CTNNA2: variants seen among roughly 807,000 people sequenced by gnomAD.
CTNNA2 encodes catenin alpha-2.
In CTNNA2, 42 loss-of-function variants were observed where a neutral mutation model predicts 101.0. That is an observed-to-expected ratio of 0.42 (90% CI 0.32 to 0.54). CTNNA2 has a LOEUF of 0.54. Among genes scored for constraint, CTNNA2 ranks in the 20% least tolerant of loss-of-function variants. The probability of loss-of-function intolerance (pLI) is 0.14; values close to 1 mark genes in which losing one functional copy is unlikely to be tolerated. For missense variants in CTNNA2, 871 were observed against 1,223.1 expected (o/e 0.71, Z 4.29); for synonymous variants, 450 against 456.4 (o/e 0.99, Z 0.18).
intron 4 of CTNNA2, among the ~76,000 whole-genome samples, chr2:79,448,178 G>C (rs1171348045): frequency 6.6e-6 from 1 of 151,932 alleles, no homozygotes; most frequent in African/African-American, 2.4e-5. Flanking sequence ...ATGAAACCTT[G>C]GTGAATCTTA....
At chr2:79,281,210 C>T (rs541143380) in intron 2 of CTNNA2, among the ~76,000 whole-genome samples, 1 of 152,194 alleles carries the variant, frequency 6.6e-6, no homozygotes, top group South Asian at 2.1e-4. Flanking sequence ...TGTCATGGTC[C>T]AAGGGTGGCC....
At chr2:79,723,750 C>A (rs1020111918) in intron 2 of CTNNA2, among the ~76,000 whole-genome samples, 4 of 151,812 alleles carry the variant, frequency 2.6e-5, no homozygotes, top group African/African-American at 9.7e-5. Context: ...AGCATTTCTC[C>A]CCACCCCCCG....
intron 18 of CTNNA2, among the ~76,000 whole-genome samples, chr2:80,644,520 G>C (rs889446802): frequency 6.6e-6 from 1 of 152,054 alleles, no homozygotes; most frequent in African/African-American, 2.4e-5. Context: ...TTGCCAATTG[G>C]AAAACAGAGT....
At chr2:80,173,506 G>A (rs902967178) in intron 7 of CTNNA2, among the ~76,000 whole-genome samples, 2 of 152,152 alleles carry the variant, frequency 1.3e-5, no homozygotes, top group Non-Finnish European at 2.9e-5. Context: ...CTCTAAATAA[G>A]ACCTTAGAAC....
chr2:79,648,995 T>C (rs1418154484), intron 1 of CTNNA2, among the ~76,000 whole-genome samples: 1 of 152,050 alleles, frequency 6.6e-6, no homozygotes, highest in East Asian at 1.9e-4. Context: ...TTAATTTGAG[T>C]GATTTGTCTG....
chr2:80,496,785 G>A (rs537906074), intron 9 of CTNNA2, among the ~76,000 whole-genome samples: 4 of 152,188 alleles, frequency 2.6e-5, no homozygotes, highest in East Asian at 1.9e-4. Flanking sequence ...ATTTATAATC[G>A]TTGCATTCAT....
intron 18 of CTNNA2, among the ~76,000 whole-genome samples, chr2:80,624,727 C>T (rs1376434517): frequency 2.6e-5 from 4 of 151,690 alleles, no homozygotes; most frequent in Non-Finnish European, 5.9e-5. Context: ...TGTTTTCTGC[C>T]GTTAATTTCA....
chr2:80,161,378 C>T (rs561797060), intron 7 of CTNNA2, among the ~76,000 whole-genome samples: 12 of 151,946 alleles, frequency 7.9e-5, no homozygotes, highest in Admixed American at 2.0e-4. Context: ...ACAGTACGAA[C>T]GCTGTGGTAT....
chr2:80,645,272 TC>T (rs1673948162), intron 18 of CTNNA2, among the ~76,000 whole-genome samples: 1 of 152,176 alleles, frequency 6.6e-6, no homozygotes, highest in African/African-American at 2.4e-5. Context: ...GTATTTAGCT[TC>T]TAAAGAAACT....
intron 2 of CTNNA2, among the ~76,000 whole-genome samples, chr2:79,664,150 T>C (rs1256792814): frequency 6.6e-6 from 1 of 152,336 alleles, no homozygotes; most frequent in East Asian, 1.9e-4. Context: ...ATCTTCATAA[T>C]AAAAGGCATA....
chr2:79,811,755 A>G (rs1398889290), intron 3 of CTNNA2, among the ~76,000 whole-genome samples: 1 of 152,186 alleles, frequency 6.6e-6, no homozygotes, highest in African/African-American at 2.4e-5. Flanking sequence ...ATTTCTAAGA[A>G]AAGGAAGAAT....
chr2:80,105,364 C>T (rs906052456), intron 7 of CTNNA2, among the ~76,000 whole-genome samples: 3 of 152,156 alleles, frequency 2.0e-5, no homozygotes, highest in Non-Finnish European at 2.9e-5. Context: ...TTCTGTGGCA[C>T]CAGAAGTTGA....
At chr2:79,790,660 T>C (rs17017933) in intron 3 of CTNNA2, among the ~76,000 whole-genome samples, 1 of 152,178 alleles carries the variant, frequency 6.6e-6, no homozygotes, top group East Asian at 1.9e-4. Flanking sequence ...TGGGACCAGG[T>C]AAATTGTAAG....
rs571608548 is a variant in CTNNA2, at chr2:79,974,446, A to G, written c.1056+64649A>G. ...ATTGGACTTGACCATAAGGCTGGAC[A>G]TTGACGTACTTACTTCTGCTACCAA... is the stretch of plus-strand genomic sequence containing the variant. On this transcript the variant is annotated intron_variant, in intron 7 of 18. Coordinates refer to ENST00000402739, the MANE Select transcript of CTNNA2 (RefSeq NM_001282597.3). Among the ~76,000 whole-genome samples the G allele has an allele frequency of 5.3e-5, 8 of 152,290 alleles. No homozygotes were observed. In the East Asian group the frequency reaches 1.4e-3, roughly 26 times the overall value.
intron 7 of CTNNA2, among the ~76,000 whole-genome samples, chr2:80,344,112 C>T (rs1424308713): frequency 6.6e-6 from 1 of 152,178 alleles, no homozygotes; most frequent in Non-Finnish European, 1.5e-5. Context: ...CCACCTCTTA[C>T]TCACTATCAG....
At chr2:80,550,276 G>A (rs1692450508) in intron 11 of CTNNA2, among the ~76,000 whole-genome samples, 1 of 152,118 alleles carries the variant, frequency 6.6e-6, no homozygotes, top group Admixed American at 6.5e-5. Flanking sequence ...AAATGCTAAA[G>A]ATCATTCTGA....
At chr2:80,541,629 T>C (rs1401672753) in intron 9 of CTNNA2, among the ~76,000 whole-genome samples, 1 of 152,052 alleles carries the variant, frequency 6.6e-6, no homozygotes, top group East Asian at 1.9e-4. Context: ...TCCCACAGGG[T>C]CGACTTCTGC....
intron 2 of CTNNA2, among the ~76,000 whole-genome samples, chr2:79,223,442 T>C (rs1413970248): frequency 6.6e-6 from 1 of 152,210 alleles, no homozygotes; most frequent in Non-Finnish European, 1.5e-5. Context: ...TTAGGGTACA[T>C]TGTGAACTCT....
intron 2 of CTNNA2, among the ~76,000 whole-genome samples, chr2:79,735,622 G>A (rs545144095): frequency 2.6e-5 from 4 of 152,292 alleles, no homozygotes; most frequent in African/African-American, 9.6e-5. Flanking sequence ...TTGCCTCATG[G>A]CCTTACTTAA....
Sources: allele counts gnomAD v4.1 joint callset (sites outside exome capture counted in the v4.1 genomes callset), GRCh38; gene constraint gnomAD v4.1.1; transcripts MANE v1.5; gene names NCBI Gene and HGNC (gene_info 2026-07-23, HGNC 2026-07-21).